TDRP: variants seen among roughly 807,000 people sequenced by gnomAD.
TDRP encodes the protein testis development related protein.
A neutral mutation model predicts 10.5 loss-of-function variants in TDRP; 12 were observed. That is an observed-to-expected ratio of 1.15 (90% CI 0.73 to 1.86). The LOEUF is 1.86. Ranked by LOEUF, TDRP falls within the 40% of genes most tolerant of loss-of-function variation. The pLI is 0.00. For missense variants in TDRP, 353 were observed against 229.2 expected (o/e 1.54, Z -3.49); for synonymous variants, 139 against 95.4 (o/e 1.46, Z -2.67).
Position 509,373 on chromosome 8 carries a change from G to A in TDRP, c.109-14776C>T, listed in dbSNP as rs577210797. On this transcript the variant is annotated intron_variant, in intron 1 of 2. Transcript: ENST00000324079. Reference sequence around the variant, plus strand: ...CTGCCCCTGCAGCAAACTTCTTTCTGGACATCCAGGTGTTTCCATACATCT... The same window carrying A: ...CTGCCCCTGCAGCAAACTTCTTTCTAGACATCCAGGTGTTTCCATACATCT... 6.6e-5 allele frequency among the ~76,000 whole-genome samples: 10 copies of A among 152,284 alleles called. No individual in the cohort carries two copies. The South Asian group carries it at 2.1e-3, about 32-fold the overall frequency.
intron 1 of TDRP, among the ~76,000 whole-genome samples, chr8:519,284 T>G (rs980256417): frequency 1.3e-5 from 2 of 152,270 alleles, no homozygotes; most frequent in Non-Finnish European, 2.9e-5. Context: ...ATCTCTCTTC[T>G]GTTGAGCTGT....
intron 1 of TDRP, among the ~76,000 whole-genome samples, chr8:519,007 C>T (rs1279374335): frequency 1.3e-5 from 2 of 152,102 alleles, no homozygotes; most frequent in African/African-American, 4.8e-5. Flanking sequence ...ACCAGAAATG[C>T]CAACACCTTG....
intron 2 of TDRP, 123 bp downstream of exon 2, chr8:494,371 C>G (rs1362778345): frequency 1.2e-6 from 1 of 843,226 alleles, no homozygotes; most frequent in Non-Finnish European, 1.9e-6. Context: ...GAAACATGGA[C>G]TCGCCGCGCC....
chr8:525,269 G>C (rs1007157534), intron 1 of TDRP, among the ~76,000 whole-genome samples: 1 of 152,038 alleles, frequency 6.6e-6, no homozygotes, highest in Non-Finnish European at 1.5e-5. Flanking sequence ...CAAAAGCTGA[G>C]GATTTTCACC....
At chr8:492,797 G>C in intron 2 of TDRP, 53 bp from the exon 3 acceptor site, 1 of 1,314,360 alleles carries the variant, frequency 7.6e-7, no homozygotes. Context: ...AGGGCCTCAA[G>C]CTTTATCCAT....
chr8:544,516 C>T, intron 1 of TDRP, 134 bp downstream of exon 1: 1 of 520,522 alleles, frequency 1.9e-6, no homozygotes, highest in Middle Eastern at 5.5e-4. Context: ...CCCGGAGCTA[C>T]GCGGCCCCAA....
upstream of TDRP, among the ~76,000 whole-genome samples, chr8:545,375 GC>G (rs1407312024): frequency 2.2e-5 from 2 of 89,206 alleles, no homozygotes; most frequent in African/African-American, 8.9e-5. Flanking sequence ...CCCCCACCCG[GC>G]CCCCGCAAAT....
chr8:540,402 A>G (rs1802461221), intron 1 of TDRP, among the ~76,000 whole-genome samples: 1 of 152,250 alleles, frequency 6.6e-6, no homozygotes, highest in Admixed American at 6.5e-5. Flanking sequence ...ACACCTATGT[A>G]TCTGCATAAA....
intron 1 of TDRP, among the ~76,000 whole-genome samples, chr8:496,188 C>T (rs1563115852): frequency 6.6e-6 from 1 of 152,236 alleles, no homozygotes; most frequent in African/African-American, 2.4e-5. Context: ...ACATCACACA[C>T]TGCACAAAAA....
At chr8:516,520 T>A (rs1349315857) in intron 1 of TDRP, among the ~76,000 whole-genome samples, 1 of 152,088 alleles carries the variant, frequency 6.6e-6, no homozygotes, top group Non-Finnish European at 1.5e-5. Context: ...CTCCACAACA[T>A]CTGTCATCAG....
At position 492,430 on chromosome 8, in the gene TDRP, T is replaced by C; in HGVS notation, c.527A>G (p.His176Arg). 1 of 1,574,158 alleles carries C rather than the reference T, an allele frequency of 6.4e-7. No individual in the cohort carries two copies. Among genetic ancestry groups the C allele is most frequent in the South Asian group, 1.2e-5 (1 of 85,478 alleles). ...LVSIRRQSKG[H>R]LTDSPEEAE is the part of the protein sequence containing the mutation. ...CGCCTCCTCCGGGCTATCTGTCAGGTGGCCTTTACTCTGCCGTCGGATGCT... is the reference window on the plus strand; with the variant it reads ...CGCCTCCTCCGGGCTATCTGTCAGGCGGCCTTTACTCTGCCGTCGGATGCT... Residue 176 changes from histidine (H) to arginine (R), a missense_variant, in exon 3 of 3, where the codon CAC (histidine) becomes CGC (arginine). Coordinates refer to ENST00000324079, the MANE Select transcript of TDRP (RefSeq NM_001384899.1).
At chr8:498,467 C>T (rs528771807) in intron 1 of TDRP, among the ~76,000 whole-genome samples, 27 of 152,284 alleles carry the variant, frequency 1.8e-4, no homozygotes, top group African/African-American at 6.3e-4. Flanking sequence ...ATTTACCCAA[C>T]GCCTGCACCT....
At chr8:542,838 CAA>C (rs1189075067) in intron 1 of TDRP, among the ~76,000 whole-genome samples, 3 of 110,010 alleles carry the variant, frequency 2.7e-5, no homozygotes, top group Non-Finnish European at 5.3e-5. Context: ...CCCTGGGCGA[CAA>C]GAGCGAAACT....
chr8:514,675 C>T (rs1158281228), intron 1 of TDRP, among the ~76,000 whole-genome samples: 1 of 152,224 alleles, frequency 6.6e-6, no homozygotes, highest in Non-Finnish European at 1.5e-5. Context: ...CCTCTCTCCA[C>T]TACCAGTCAC....
At chr8:515,017 A>G (rs1174997911) in intron 1 of TDRP, among the ~76,000 whole-genome samples, 2 of 152,218 alleles carry the variant, frequency 1.3e-5, no homozygotes, top group African/African-American at 4.8e-5. Context: ...GCTAATATGT[A>G]TGATTAAATA....
At chr8:517,184 G>C (rs761968406) in intron 1 of TDRP, among the ~76,000 whole-genome samples, 1 of 152,134 alleles carries the variant, frequency 6.6e-6, no homozygotes, top group Non-Finnish European at 1.5e-5. Flanking sequence ...CTTTGCATCA[G>C]TGAGATACCA....
At chr8:518,552 A>G (rs1801815384) in intron 1 of TDRP, among the ~76,000 whole-genome samples, 1 of 152,190 alleles carries the variant, frequency 6.6e-6, no homozygotes, top group Admixed American at 6.5e-5. Flanking sequence ...ACAAAAAAGG[A>G]AAAAGAACAA....
chr8:541,520 T>C (rs1802494324), intron 1 of TDRP, among the ~76,000 whole-genome samples: 1 of 152,212 alleles, frequency 6.6e-6, no homozygotes, highest in African/African-American at 2.4e-5. Flanking sequence ...TATAAAGAAC[T>C]AGTATCCAAA....
intron 1 of TDRP, among the ~76,000 whole-genome samples, chr8:513,959 C>T (rs1308503863): frequency 6.6e-6 from 1 of 152,150 alleles, no homozygotes; most frequent in African/African-American, 2.4e-5. Context: ...ATCTGAATAA[C>T]TGGAAAACTA....
Sources: allele counts gnomAD v4.1 joint callset (sites outside exome capture counted in the v4.1 genomes callset), GRCh38; gene constraint gnomAD v4.1.1; transcripts MANE v1.5; gene names NCBI Gene and HGNC (gene_info 2026-07-23, HGNC 2026-07-21).